The following TDRD9 variants were observed in gnomAD, a reference collection of about 807,000 sequenced individuals.
The protein encoded by TDRD9 is ATP-dependent RNA helicase TDRD9.
TDRD9 carries 124 observed loss-of-function variants against 172.6 expected under a neutral mutation model. The observed-to-expected ratio is 0.72, with a 90% CI of 0.62 to 0.83. The LOEUF is 0.83. Ranked by LOEUF, TDRD9 falls within the 40% of genes least tolerant of loss-of-function variation. The pLI, the probability that TDRD9 is intolerant of heterozygous loss-of-function variation, is 0.00. For synonymous variants in TDRD9, 619 were observed against 617.1 expected, an observed-to-expected ratio of 1.00 and a Z score of -0.05; for missense variants, 1,479 against 1,714.1, an observed-to-expected ratio of 0.86 and a Z score of 2.42.
At chr14:104,006,258 T>G (rs1488658719) in intron 15 of TDRD9, 131 bp from the exon 16 acceptor site, 10 of 708,124 alleles carry the variant, frequency 1.4e-5, no homozygotes, top group Non-Finnish European at 2.3e-5. Flanking sequence ...CATATCAACC[T>G]TTCATAAATT....
rs894793668 is a variant in TDRD9 at position 103,978,187 on chromosome 14, T to C, written c.1011+2634T>C. The stretch of plus-strand genomic sequence containing the variant: ...TGGTTCCATATGAATTTTAGGATTT[T>C]TTTTTTGATTTCTGTGAAGAATGTC... On this transcript the variant is annotated intron_variant, in intron 7 of 35. Transcript: ENST00000409874. Among the ~76,000 whole-genome samples the C allele has an allele frequency of 9.2e-5, 14 of 152,222 alleles. 1 individual carries two copies. The highest frequency in any genetic ancestry group is 2.0e-4 in the Admixed American group (3 of 15,280).
chr14:103,968,553 G>A (rs367795825), intron 5 of TDRD9, among the ~76,000 whole-genome samples: 6 of 151,812 alleles, frequency 4.0e-5, no homozygotes, highest in African/African-American at 4.8e-5. Flanking sequence ...TTGGGAGGCC[G>A]AGGTGGGCGG....
chr14:104,021,074 G>T (rs1386616773), intron 23 of TDRD9, among the ~76,000 whole-genome samples: 1 of 152,202 alleles, frequency 6.6e-6, no homozygotes, highest in East Asian at 1.9e-4. Flanking sequence ...TCATGGTTCT[G>T]CAGGCTGTAT....
At chr14:104,012,991 C>T (rs914699047) in intron 20 of TDRD9, among the ~76,000 whole-genome samples, 5 of 152,188 alleles carry the variant, frequency 3.3e-5, no homozygotes, top group African/African-American at 1.2e-4. Context: ...ACTTAGTTCA[C>T]TTACATGTGA....
chr14:104,024,122 TG>T (rs2035043820), intron 24 of TDRD9, among the ~76,000 whole-genome samples: 1 of 152,214 alleles, frequency 6.6e-6, no homozygotes, highest in South Asian at 2.1e-4. Flanking sequence ...TGGAAAGTCA[TG>T]TGTGTGTTTT....
chr14:104,043,317 C>G (rs1480172512), intron 34 of TDRD9, among the ~76,000 whole-genome samples: 4 of 151,814 alleles, frequency 2.6e-5, no homozygotes, highest in African/African-American at 4.8e-5. Context: ...TTGCAGCTCA[C>G]TGCAACCTCC....
At chr14:103,998,187 G>A (rs892366714) in intron 12 of TDRD9, among the ~76,000 whole-genome samples, 1 of 72,350 alleles carries the variant, frequency 1.4e-5, no homozygotes, top group African/African-American at 5.7e-5. Context: ...CACGCGTACA[G>A]ATGCACAGAT....
rs533342199 is a variant in TDRD9 at position 103,970,546 on chromosome 14, C to T, written c.771C>T (p.His257=). 433 of 1,551,406 alleles carry T rather than the reference C, an allele frequency of 2.8e-4. 3 individuals carry two copies. The South Asian group carries it at 4.1e-3, about 15-fold the overall frequency. The part of the protein sequence containing the change: ...EFTHIIIDEV[H]ERTEEMDFLL... Reference sequence around the variant, plus strand: ...CCCCCTTTTTTATTTTGTAGGTACACGAACGAACAGAAGAAATGGATTTCC... The same window carrying T: ...CCCCCTTTTTTATTTTGTAGGTACATGAACGAACAGAAGAAATGGATTTCC... The change falls in exon 6 of 36, where the codon CAC becomes CAT. Residue 257 remains histidine (H), a synonymous_variant. Coordinates refer to ENST00000409874, the MANE Select transcript of TDRD9 (RefSeq NM_153046.3).
intron 28 of TDRD9, among the ~76,000 whole-genome samples, chr14:104,029,695 G>A (rs1286715301): frequency 1.3e-5 from 2 of 152,086 alleles, no homozygotes; most frequent in East Asian, 3.8e-4. Flanking sequence ...CTCTGGCTAG[G>A]ACTTCCAGTA....
chr14:103,956,424 G>A (rs1016047779), intron 2 of TDRD9, among the ~76,000 whole-genome samples: 4 of 151,562 alleles, frequency 2.6e-5, no homozygotes, highest in Non-Finnish European at 5.9e-5. Context: ...GCAACAGAGT[G>A]AGACTCCGTC....
In TDRD9 at chr14:104,006,509, G is replaced by A. The variant is rs1171692293; in HGVS notation, c.1834G>A (p.Val612Ile). 1.9e-6 allele frequency: 3 copies of A among 1,613,780 alleles called. No individual in the cohort carries two copies. In the Admixed American group the frequency reaches 5.0e-5, roughly 27 times the overall value. Residue 612 changes from valine (V) to isoleucine (I), a missense_variant, in exon 16 of 36, where the codon GTC becomes ATC. Val to Ile is a conservative substitution (Grantham distance 29, BLOSUM62 3). Around this residue, in one of 3 missense-constraint regions of TDRD9, gnomAD observed 1,413 missense variants for 1,649.1 expected, o/e 0.86. Coordinates refer to ENST00000409874, the MANE Select transcript of TDRD9 (RefSeq NM_153046.3). Reference protein sequence around the residue: ...PVNQQLGKLIVLGHVFGCLDE... With the variant: ...PVNQQLGKLIILGHVFGCLDE... ...AAATCAGCAACTTGGTAAACTCATA[G>A]TCCTTGGACATGTATTTGGATGTCT...
In TDRD9 at chr14:103,928,524, C is replaced by T. The variant is rs1056614767; in HGVS notation, c.15C>T (p.Leu5=). The change falls in exon 1 of 36, where the codon CTC becomes CTT. Residue 5 remains leucine, a synonymous_variant. Coordinates refer to ENST00000409874, the MANE Select transcript of TDRD9 (RefSeq NM_153046.3). ...GGGCCTTGAGGATGCTGCGGAAGCT[C>T]ACCATCGAGCAGATCAACGACTGGT... MLRK[L]TIEQINDWFT... 4 of 1,413,640 alleles carry T rather than the reference C, an allele frequency of 2.8e-6. No individual in the cohort carries two copies. The highest frequency in any genetic ancestry group is 3.0e-5 in the African/African-American group (2 of 65,692). The allele number at this position is 1,413,640 out of a possible 1,614,324, so 87.6% of individuals were successfully genotyped here.
chr14:104,020,835 C>A (rs1298192752), intron 23 of TDRD9, among the ~76,000 whole-genome samples: 1 of 152,130 alleles, frequency 6.6e-6, no homozygotes, highest in Non-Finnish European at 1.5e-5. Flanking sequence ...GCATGCATAG[C>A]AAGGTAAACT....
intron 31 of TDRD9, among the ~76,000 whole-genome samples, chr14:104,034,628 C>T (rs1479696409): frequency 1.3e-5 from 2 of 152,148 alleles, no homozygotes; most frequent in Non-Finnish European, 2.9e-5. Flanking sequence ...TTCATTCCAC[C>T]CTGCTTGGCT....
At chr14:103,971,683 G>C (rs2033040112) in intron 6 of TDRD9, among the ~76,000 whole-genome samples, 1 of 152,154 alleles carries the variant, frequency 6.6e-6, no homozygotes, top group Admixed American at 6.5e-5. Context: ...ACCAGATCTT[G>C]CCAGGAAGCC....
Position 104,005,237 on chromosome 14 carries a change from T to C in TDRD9, c.1582-37T>C, listed in dbSNP as rs190665147. 5.1e-5 allele frequency: 82 copies of C among 1,610,874 alleles called. 1 individual carries two copies. In the African/African-American group the frequency reaches 1.0e-3, roughly 20 times the overall value. Reference sequence around the variant, plus strand: ...GTGAATCGGCTAACTGATTTAGTTATGTTATTATTTCTAATCTCAGGCTTG... The same window carrying C: ...GTGAATCGGCTAACTGATTTAGTTACGTTATTATTTCTAATCTCAGGCTTG... On this transcript the variant is annotated intron_variant, in intron 14 of 35. Transcript: ENST00000409874.
In TDRD9 at chr14:104,014,763, A is replaced by G. The variant is rs781742224; in HGVS notation, c.2145A>G (p.Ser715=). The G allele has an allele frequency of 1.9e-6, 3 of 1,611,570 alleles. No homozygotes were observed. Among genetic ancestry groups the G allele is most frequent in the Non-Finnish European group, 1.7e-6 (2 of 1,178,426 alleles). Residue 715 remains serine, a synonymous_variant, in exon 21 of 36, where the codon TCA becomes TCG. Transcript: ENST00000409874. ...ELYEELKTRI[S]QFNMHVDSRR... is the part of the protein sequence containing the mutation. ...ATGAAGAATTGAAGACTAGAATCTCACAGTTCAACATGCATGTTGATTCTC... is the reference window on the plus strand; with the variant it reads ...ATGAAGAATTGAAGACTAGAATCTCGCAGTTCAACATGCATGTTGATTCTC...
chr14:104,037,547 G>C (rs2035488442), intron 32 of TDRD9, among the ~76,000 whole-genome samples: 1 of 152,206 alleles, frequency 6.6e-6, no homozygotes, highest in Non-Finnish European at 1.5e-5. Flanking sequence ...AGGAAAGGAA[G>C]ATGAGCAGAA....
At chr14:103,929,866 C>G (rs1303775565) in intron 1 of TDRD9, among the ~76,000 whole-genome samples, 2 of 152,188 alleles carry the variant, frequency 1.3e-5, no homozygotes, top group African/African-American at 4.8e-5. Flanking sequence ...AAGTTTTCAA[C>G]TCATTGGGTA....
Sources: allele counts gnomAD v4.1 joint callset (sites outside exome capture counted in the v4.1 genomes callset), GRCh38; gene constraint gnomAD v4.1.1; regional missense constraint gnomAD v4.1.1; transcripts MANE v1.5; gene names NCBI Gene and HGNC (gene_info 2026-07-23, HGNC 2026-07-21).